Variants in GASK1A observed in about 807,000 individuals in gnomAD.
The protein encoded by GASK1A is Golgi-associated kinase 1A.
In GASK1A, 40 loss-of-function variants were observed where a neutral mutation model predicts 41.2. The observed-to-expected ratio is 0.97, with a 90% CI of 0.75 to 1.27. The LOEUF (loss-of-function observed/expected upper bound fraction) is 1.27, where lower values mean the gene tolerates loss of function less well. Ranked by LOEUF, GASK1A falls within the 50% of genes most tolerant of loss-of-function variation. The pLI is 0.00. For missense variants in GASK1A, 678 were observed against 745.1 expected (o/e 0.91, Z 1.05); for synonymous variants, 316 against 307.1 (o/e 1.03, Z -0.30).
chr3:42,985,206 G>T (rs2089302316), intron 1 of GASK1A, among the ~76,000 whole-genome samples: 2 of 152,200 alleles, frequency 1.3e-5, no homozygotes, highest in South Asian at 4.2e-4. Flanking sequence ...AGAAAAATGG[G>T]GGTACTCGGT....
rs1476969647 is a variant in GASK1A at position 43,032,809 on chromosome 3, A to G, written c.546A>G (p.Leu182=). The change falls in exon 2 of 5, where the codon TTA becomes TTG. Residue 182 remains leucine (L), a synonymous_variant. Coordinates refer to ENST00000430121, the MANE Select transcript of GASK1A (RefSeq NM_001129908.3). ...SPLPGSDMAA[L]PAWRATSGLT... is the part of the protein sequence containing the mutation. ...TCCCAGGGAGTGACATGGCAGCTTT[A>G]CCGGCTTGGAGAGCTACTTCTGGGC... The G allele has an allele frequency of 3.9e-6, 6 of 1,549,764 alleles. No individual in the cohort carries two copies. The highest frequency in any genetic ancestry group is 5.2e-6 in the Non-Finnish European group (6 of 1,146,984).
At chr3:42,982,568 G>A (rs1406061864) in intron 1 of GASK1A, among the ~76,000 whole-genome samples, 15 of 152,194 alleles carry the variant, frequency 9.9e-5, no homozygotes, top group Non-Finnish European at 1.5e-5. Flanking sequence ...TTAATGCTCA[G>A]TACCGTGATT....
At chr3:42,983,994 T>C (rs1335977656) in intron 1 of GASK1A, among the ~76,000 whole-genome samples, 26 of 152,130 alleles carry the variant, frequency 1.7e-4, no homozygotes, top group African/African-American at 2.4e-5. Flanking sequence ...ATCCTTCCAA[T>C]AGGTCTGGGA....
intron 1 of GASK1A, among the ~76,000 whole-genome samples, chr3:43,008,403 G>T (rs73072303): frequency 1.3e-5 from 2 of 152,198 alleles, no homozygotes; most frequent in Non-Finnish European, 2.9e-5. Context: ...CTCTGAAGCC[G>T]GAGGTCACCT....
intron 1 of GASK1A, among the ~76,000 whole-genome samples, chr3:42,985,586 T>TGTGTG (rs1237908326): frequency 6.9e-6 from 1 of 144,250 alleles, no homozygotes; most frequent in South Asian, 2.2e-4. Context: ...TGTGTGTGTG[T>TGTGTG]GGGCGGAGGC....
chr3:43,043,735 C>A (rs2125690274), intron 2 of GASK1A, among the ~76,000 whole-genome samples: 1 of 152,304 alleles, frequency 6.6e-6, no homozygotes, highest in East Asian at 1.9e-4. Context: ...CTTCAGTCCA[C>A]ATGATTATGT....
chr3:43,007,536 T>G (rs2089442572), intron 1 of GASK1A, among the ~76,000 whole-genome samples: 1 of 152,198 alleles, frequency 6.6e-6, no homozygotes. Context: ...CTTTACCTGT[T>G]GGGGGCTCCC....
chr3:43,056,102 A>T, intron 4 of GASK1A, 74 bp from the exon 5 acceptor site: 1 of 1,221,724 alleles, frequency 8.2e-7, no homozygotes, highest in East Asian at 2.6e-5. Context: ...ATCTGGCATC[A>T]CCTGTTACTG....
intron 1 of GASK1A, among the ~76,000 whole-genome samples, chr3:43,006,486 A>C (rs2089436418): frequency 6.6e-6 from 1 of 152,098 alleles, no homozygotes; most frequent in Admixed American, 6.5e-5. Flanking sequence ...AAAAGAAATA[A>C]TTTTCTGTCA....
At chr3:42,996,848 C>T (rs751941685) in intron 1 of GASK1A, among the ~76,000 whole-genome samples, 8 of 152,036 alleles carry the variant, frequency 5.3e-5, no homozygotes, top group Non-Finnish European at 1.0e-4. Context: ...GCCTGTGCCC[C>T]GTGGGCTGTA....
At chr3:43,047,830 C>T (rs1339859781) in intron 2 of GASK1A, among the ~76,000 whole-genome samples, 2 of 152,178 alleles carry the variant, frequency 1.3e-5, no homozygotes, top group Non-Finnish European at 2.9e-5. Flanking sequence ...TAAATCCACC[C>T]AACCTGCCCT....
intron 1 of GASK1A, among the ~76,000 whole-genome samples, chr3:42,987,292 G>T (rs1001750263): frequency 6.6e-6 from 1 of 152,190 alleles, no homozygotes; most frequent in Non-Finnish European, 1.5e-5. Context: ...TTTAGATAGG[G>T]TGGGCACACA....
intron 2 of GASK1A, among the ~76,000 whole-genome samples, chr3:43,041,665 GT>G (rs2125689640): frequency 6.6e-6 from 1 of 152,292 alleles, no homozygotes; most frequent in African/African-American, 2.4e-5. Flanking sequence ...CAGTTGCTCA[GT>G]TTATCCTCTT....
intron 1 of GASK1A, among the ~76,000 whole-genome samples, chr3:43,005,919 C>T (rs2089433502): frequency 6.6e-6 from 1 of 152,132 alleles, no homozygotes; most frequent in African/African-American, 2.4e-5. Flanking sequence ...TGATTTATGG[C>T]AATGGGATTT....
intron 1 of GASK1A, among the ~76,000 whole-genome samples, chr3:43,021,072 A>G (rs2089520125): frequency 6.6e-6 from 1 of 152,072 alleles, no homozygotes; most frequent in South Asian, 2.1e-4. Flanking sequence ...ACCCTTGTGG[A>G]GGCAATGGCA....
At chr3:43,010,256 A>G (rs1225147209) in intron 1 of GASK1A, among the ~76,000 whole-genome samples, 1 of 152,152 alleles carries the variant, frequency 6.6e-6, no homozygotes, top group Non-Finnish European at 1.5e-5. Context: ...CTGGTGAAGG[A>G]GGGAGTCTGA....
At position 42,979,543 on chromosome 3, in the gene GASK1A, G is replaced by A; in HGVS notation, c.-100G>A. ...GCCGAGTAGCCGCGCATCCTGGGAA[G>A]CCTGGCGAGCCACGGCGCCGGGGGC... On this transcript the variant is annotated 5_prime_UTR_variant, in exon 1 of 5. Transcript: ENST00000430121. The A allele has an allele frequency of 1.7e-6, 2 of 1,199,144 alleles. No homozygotes were observed. The highest frequency in any genetic ancestry group is 2.1e-6 in the Non-Finnish European group (2 of 955,558). 74.3% of individuals were successfully genotyped at this position (1,199,144 alleles called of 1,614,324 possible).
At chr3:43,016,675 G>A (rs185616082) in intron 1 of GASK1A, among the ~76,000 whole-genome samples, 44 of 152,014 alleles carry the variant, frequency 2.9e-4, no homozygotes, top group African/African-American at 9.9e-4. Flanking sequence ...GCCACAGCAA[G>A]TGGCTGAGTG....
chr3:42,985,972 A>G (rs2089306806), intron 1 of GASK1A, among the ~76,000 whole-genome samples: 1 of 152,220 alleles, frequency 6.6e-6, no homozygotes, highest in African/African-American at 2.4e-5. Context: ...CAGCAATCCC[A>G]TTCCTGTGTG....
Sources: allele counts gnomAD v4.1 joint callset (sites outside exome capture counted in the v4.1 genomes callset), GRCh38; gene constraint gnomAD v4.1.1; transcripts MANE v1.5; gene names NCBI Gene and HGNC (gene_info 2026-07-23, HGNC 2026-07-21).